ACSL1: variants seen among roughly 807,000 people sequenced by gnomAD.
The protein encoded by ACSL1 is acyl-CoA synthetase long chain family member 1.
In ACSL1, 41 loss-of-function variants were observed where a neutral mutation model predicts 98.4. The observed-to-expected ratio is 0.42, with a 90% CI of 0.32 to 0.54. The LOEUF is 0.54. Ranked by LOEUF, ACSL1 falls within the 20% of genes least tolerant of loss-of-function variation. The pLI, the probability that ACSL1 is intolerant of heterozygous loss-of-function variation, is 0.13. For synonymous variants in ACSL1, 316 were observed against 322.7 expected (o/e 0.98, Z 0.22); for missense variants, 734 against 883.1 (o/e 0.83, Z 2.14).
At chr4:184,781,229 CAAAAAAAAAAA>C (rs34392146) in intron 4 of ACSL1, among the ~76,000 whole-genome samples, 6 of 70,106 alleles carry the variant, frequency 8.6e-5, no homozygotes, top group African/African-American at 3.5e-4. Context: ...GACTCCATCT[CAAAAAAAAAAA>C]AAAAAAAAAA....
Position 184,773,140 on chromosome 4 carries a change from C to A in ACSL1, c.856G>T (p.Ala286Ser). 1 of 1,613,804 alleles carries A rather than the reference C, an allele frequency of 6.2e-7. No homozygotes were observed. The highest frequency in any genetic ancestry group is 8.5e-7 in the Non-Finnish European group (1 of 1,179,728). Reference sequence around the variant, plus strand: ...ACTATGTTTCGGTGAGTGACCATTGCTCCTTTGGGGTTGCCTGTGGAGCAC... The same window carrying A: ...ACTATGTTTCGGTGAGTGACCATTGATCCTTTGGGGTTGCCTGTGGAGCAC... ...TSGTTGNPKGAMVTHRNIVSD... is the reference protein window; with the variant it reads ...TSGTTGNPKGSMVTHRNIVSD... The change falls in exon 10 of 21, where the codon GCA (alanine) becomes TCA (serine). Residue 286 changes from alanine to serine, a missense_variant. Transcript: ENST00000281455. This position sits in a 1 kb window ranked among gnomAD's most constrained non-coding sequence, Gnocchi z 4.3.
At chr4:184,786,276 G>T (rs1300373868) in intron 3 of ACSL1, among the ~76,000 whole-genome samples, 1 of 152,148 alleles carries the variant, frequency 6.6e-6, no homozygotes, top group African/African-American at 2.4e-5. Context: ...AATACGCTGT[G>T]GGAATGTAAC....
At chr4:184,765,596 A>G (rs574124881) in intron 14 of ACSL1, among the ~76,000 whole-genome samples, 4 of 152,324 alleles carry the variant, frequency 2.6e-5, no homozygotes, top group Non-Finnish European at 5.9e-5. Context: ...ACTAGAGCTA[A>G]CAACAATGTA....
intron 11 of ACSL1, among the ~76,000 whole-genome samples, chr4:184,769,149 T>C (rs1764114089): frequency 6.6e-6 from 1 of 151,988 alleles, no homozygotes; most frequent in Admixed American, 6.6e-5. Context: ...CTTAACTTCT[T>C]GCCTAGAGTC....
At chr4:184,824,941 G>A (rs137934659) in intron 1 of ACSL1, among the ~76,000 whole-genome samples, 4 of 152,322 alleles carry the variant, frequency 2.6e-5, no homozygotes, top group Non-Finnish European at 4.4e-5. Flanking sequence ...ATGGGTGGCA[G>A]AAACTGCAAG....
chr4:184,758,363 T>C (rs929845191), intron 18 of ACSL1: 1 of 166,564 alleles, frequency 6.0e-6, no homozygotes, highest in African/African-American at 2.4e-5. Context: ...GAGACCAGTC[T>C]GGGCAATATA....
At chr4:184,823,617 C>A (rs1279773831) in intron 1 of ACSL1, among the ~76,000 whole-genome samples, 1 of 152,180 alleles carries the variant, frequency 6.6e-6, no homozygotes, top group Non-Finnish European at 1.5e-5. Flanking sequence ...AAACACACAA[C>A]CATTTTCCAC....
Position 184,783,945 on chromosome 4 carries a change from T to C in ACSL1, c.357A>G (p.Glu119=). Residue 119 remains glutamate, a synonymous_variant, in exon 4 of 21, where the codon GAA becomes GAG. Transcript: ENST00000281455. ...LGSRKPDQPY[E]WLSYKQVAEL... ...AACTCACCTGTTTATATGAAAGCCA[T>C]TCATAGGGTTGGTCTGGTTTCCGAG... 6.2e-7 allele frequency: 1 copy of C among 1,613,892 alleles called. No individual in the cohort carries two copies. The highest frequency in any genetic ancestry group is 8.5e-7 in the Non-Finnish European group (1 of 1,179,884).
intron 3 of ACSL1, 70 bp downstream of exon 3, chr4:184,788,547 T>C (rs2150378800): frequency 7.9e-7 from 1 of 1,259,554 alleles, no homozygotes; most frequent in South Asian, 1.2e-5. Flanking sequence ...AAATGTGCAT[T>C]TCTGAAAGGC....
intron 5 of ACSL1, among the ~76,000 whole-genome samples, chr4:184,778,594 T>G (rs1038213177): frequency 1.3e-5 from 2 of 152,154 alleles, no homozygotes; most frequent in Admixed American, 6.5e-5. Context: ...GCGCCCACAC[T>G]TACCACTTGA....
intron 17 of ACSL1, among the ~76,000 whole-genome samples, chr4:184,761,798 C>T (rs1390627101): frequency 6.6e-6 from 1 of 151,444 alleles, no homozygotes; most frequent in Non-Finnish European, 1.5e-5. Flanking sequence ...CTTTGTATTC[C>T]GGTTGAGAAG....
At position 184,757,779 on chromosome 4, in the gene ACSL1, A is replaced by C; in HGVS notation, c.1884+40T>G. On this transcript the variant is annotated intron_variant, in intron 19 of 20. Coordinates refer to ENST00000281455, the MANE Select transcript of ACSL1 (RefSeq NM_001995.5). The surrounding 1 kb of genome is among the most constrained non-coding windows in gnomAD (Gnocchi z 4.5). Reference sequence around the variant, plus strand: ...AATATCTACAGGTACATTTAATGCCAAGTTATGATGAGGACAGACTGGACC... The same window carrying C: ...AATATCTACAGGTACATTTAATGCCCAGTTATGATGAGGACAGACTGGACC... 3.1e-6 allele frequency: 5 copies of C among 1,611,948 alleles called. No homozygotes were observed. The highest frequency in any genetic ancestry group is 4.2e-6 in the Non-Finnish European group (5 of 1,178,094).
intron 2 of ACSL1, among the ~76,000 whole-genome samples, chr4:184,801,628 T>G (rs1770538929): frequency 1.3e-5 from 2 of 152,234 alleles, no homozygotes; most frequent in Non-Finnish European, 2.9e-5. Flanking sequence ...TTTAACTTCT[T>G]TTTTAAAAAG....
At chr4:184,777,466 T>C (rs922133765) in intron 5 of ACSL1, among the ~76,000 whole-genome samples, 4 of 145,366 alleles carry the variant, frequency 2.8e-5, no homozygotes, top group Non-Finnish European at 4.5e-5. Context: ...TGTATGTATG[T>C]ATGCATGTAC....
intron 18 of ACSL1, among the ~76,000 whole-genome samples, chr4:184,759,590 T>C (rs1002642927): frequency 5.9e-5 from 9 of 152,062 alleles, no homozygotes; most frequent in African/African-American, 9.7e-5. Flanking sequence ...AAAATGCTCA[T>C]CATCACTGGC....
rs181589674 is a variant in ACSL1, at chr4:184,763,123, C to A, written c.1521+44G>T. ...CAGCATTCGCAAAGGCCAGCGATCACAGGAAATGGCAGCGAGGGAAAATGA... is the reference window on the plus strand; with the variant it reads ...CAGCATTCGCAAAGGCCAGCGATCAAAGGAAATGGCAGCGAGGGAAAATGA... On this transcript the variant is annotated intron_variant, in intron 16 of 20. Coordinates refer to ENST00000281455, the MANE Select transcript of ACSL1 (RefSeq NM_001995.5). 1.9e-5 allele frequency: 30 copies of A among 1,600,322 alleles called. No individual in the cohort carries two copies. In the African/African-American group the frequency reaches 2.8e-4, roughly 15 times the overall value.
In ACSL1 at chr4:184,762,393, A is replaced by C. The variant is rs1236750825; in HGVS notation, c.1638+14T>G. ...GAACTGAACTGTTTGTGACCTGAGG[A>C]GGCGGCAACTTACTGGTAACCATTT... is the stretch of plus-strand genomic sequence containing the variant. On this transcript the variant is annotated intron_variant, in intron 17 of 20. Transcript: ENST00000281455. 6 of 1,594,712 alleles carry C rather than the reference A, an allele frequency of 3.8e-6. No homozygotes were observed. The highest frequency in any genetic ancestry group is 1.1e-5 in the South Asian group (1 of 90,692).
At chr4:184,760,159 G>T (rs1762657096) in intron 18 of ACSL1, among the ~76,000 whole-genome samples, 198 bp downstream of exon 18, 2 of 152,120 alleles carry the variant, frequency 1.3e-5, no homozygotes, top group Non-Finnish European at 1.5e-5. Flanking sequence ...TAAAAATGTG[G>T]AAATTAAAGA....
chr4:184,825,700 G>A lies in ACSL1; in HGVS notation c.-33+216C>T, dbSNP rs987146552. On this transcript the variant is annotated intron_variant, in intron 1 of 20. Coordinates refer to ENST00000281455, the MANE Select transcript of ACSL1 (RefSeq NM_001995.5). The surrounding 1 kb of genome is among the most constrained non-coding windows in gnomAD (Gnocchi z 4.7). ...CAGACACAGGAAGCTGCGGCAGCAC[G>A]GGCACCCCGGAGGCCTCCGGCTGCC... Among the ~76,000 whole-genome samples, 16 of 149,794 alleles carry A rather than the reference G, an allele frequency of 1.1e-4. No homozygotes were observed. The highest frequency in any genetic ancestry group is 3.6e-4 in the African/African-American group (15 of 41,230).
Sources: gnomAD v4.1 joint callset for allele counts (sites outside exome capture counted in the v4.1 genomes callset) on GRCh38, gnomAD v4.1.1 for gene constraint, Gnocchi (gnomAD v3.1) non-coding constraint, MANE v1.5 for transcripts, NCBI Gene and HGNC (gene_info 2026-07-23, HGNC 2026-07-21) for gene names.